NFATC1: variants seen among roughly 807,000 people sequenced by gnomAD.
NFATC1 encodes nuclear factor of activated T cells 1.
In NFATC1, 22 loss-of-function variants were observed where a neutral mutation model predicts 76.0. That is an observed-to-expected ratio of 0.29 (90% CI 0.21 to 0.41). NFATC1 has a LOEUF of 0.41. NFATC1 is among the 10% of genes least tolerant of loss of function. NFATC1 has a pLI of 1.00. For synonymous variants in NFATC1, 704 were observed against 613.1 expected, an observed-to-expected ratio of 1.15 and a Z score of -2.19; for missense variants, 1,357 against 1,337.7, an observed-to-expected ratio of 1.01 and a Z score of -0.23.
intron 3 of NFATC1, among the ~76,000 whole-genome samples, chr18:79,436,187 G>C (rs1041860142): frequency 1.3e-5 from 2 of 152,230 alleles, no homozygotes; most frequent in Non-Finnish European, 2.9e-5. Context: ...TACATCCTTT[G>C]ACGCGGCCCC....
intron 9 of NFATC1, among the ~76,000 whole-genome samples, chr18:79,511,296 C>T (rs1255960751): frequency 6.6e-6 from 1 of 152,084 alleles, no homozygotes; most frequent in East Asian, 1.9e-4. Flanking sequence ...TTACAAGGCC[C>T]GACTCTGCCT....
chr18:79,465,027 G>A lies in NFATC1; in HGVS notation c.1960-2423G>A, dbSNP rs2088398395. Among the ~76,000 whole-genome samples the A allele has an allele frequency of 1.3e-5, 2 of 152,028 alleles. No homozygotes were observed. The highest frequency in any genetic ancestry group is 2.9e-5 in the Non-Finnish European group (2 of 68,018). On this transcript the variant is annotated intron_variant, in intron 7 of 9. Coordinates refer to ENST00000427363, the MANE Select transcript of NFATC1 (RefSeq NM_001278669.2). The surrounding 1 kb of genome is among the most constrained non-coding windows in gnomAD (Gnocchi z 4.2). ...CCTGTGCATATTTTGTGAACAAAAT[G>A]GGATGTGCTGTGTCTACGGTTTTTG... is the stretch of plus-strand genomic sequence containing the variant.
At chr18:79,402,444 G>T (rs1428352081) in intron 1 of NFATC1, 2 of 962,542 alleles carry the variant, frequency 2.1e-6, no homozygotes, top group East Asian at 1.2e-4. Context: ...TCCTTGAGCA[G>T]AATGAGTGAA....
chr18:79,433,047 C>T (rs1305833289), intron 2 of NFATC1, among the ~76,000 whole-genome samples: 1 of 152,246 alleles, frequency 6.6e-6, no homozygotes, highest in Non-Finnish European at 1.5e-5. Context: ...GACGCCGTGT[C>T]CCTCCTCCTG....
chr18:79,469,291 G>A, intron 8 of NFATC1: 1 of 980,940 alleles, frequency 1.0e-6, no homozygotes, highest in Non-Finnish European at 1.2e-6. Context: ...GCTTTCCAGA[G>A]CAGTGCATTA....
At chr18:79,436,790 C>T (rs549877623) in intron 3 of NFATC1, among the ~76,000 whole-genome samples, 32 of 152,164 alleles carry the variant, frequency 2.1e-4, no homozygotes, top group East Asian at 9.7e-4. Context: ...GTCCGGCATC[C>T]GGGGCTTCTC....
intron 8 of NFATC1, chr18:79,470,540 C>T (rs2088740839): frequency 1.3e-5 from 2 of 152,252 alleles, no homozygotes; most frequent in South Asian, 2.1e-4. Context: ...ATTGCCATCC[C>T]CACAGGCAGC....
At chr18:79,436,413 G>T (rs138106577) in intron 3 of NFATC1, among the ~76,000 whole-genome samples, 6 of 152,364 alleles carry the variant, frequency 3.9e-5, no homozygotes, top group Admixed American at 1.3e-4. Context: ...ATTAAAGCCC[G>T]CTGTCTCCTG....
chr18:79,448,080 G>A (rs1251658538), intron 3 of NFATC1, among the ~76,000 whole-genome samples: 1 of 152,250 alleles, frequency 6.6e-6, no homozygotes, highest in African/African-American at 2.4e-5. Context: ...AGTGGTGTGG[G>A]TTTTGAGTCT....
intron 3 of NFATC1, among the ~76,000 whole-genome samples, chr18:79,434,713 C>T (rs913600459): frequency 4.6e-5 from 7 of 152,352 alleles, no homozygotes; most frequent in Non-Finnish European, 7.3e-5. Context: ...CAGAGTGCCT[C>T]GTATTTTTAT....
At chr18:79,484,132 A>C (rs563363763) in intron 8 of NFATC1, among the ~76,000 whole-genome samples, 123 of 151,868 alleles carry the variant, frequency 8.1e-4, no homozygotes, top group African/African-American at 2.8e-3. Context: ...GGGGGAGCAC[A>C]CCCGTTCTCC....
intron 3 of NFATC1, among the ~76,000 whole-genome samples, chr18:79,435,836 C>T (rs2086756464): frequency 6.6e-6 from 1 of 152,212 alleles, no homozygotes; most frequent in South Asian, 2.1e-4. Context: ...TCTGCGTTTC[C>T]ACAGAAGGAG....
At chr18:79,412,122 T>A (rs550134692) in intron 2 of NFATC1, among the ~76,000 whole-genome samples, 8 of 152,230 alleles carry the variant, frequency 5.3e-5, no homozygotes, top group Admixed American at 5.2e-4. Flanking sequence ...TCACGCGCCT[T>A]CCTTCTTTGG....
chr18:79,486,212 C>T (rs749683305), intron 8 of NFATC1, 36 bp from the exon 9 acceptor site: 1 of 1,575,968 alleles, frequency 6.3e-7, no homozygotes, highest in Admixed American at 1.7e-5. Context: ...TCATTCGCAA[C>T]TTGTGTTTAT....
intron 1 of NFATC1, chr18:79,400,346 G>A (rs948987209): frequency 1.4e-6 from 2 of 1,387,308 alleles, no homozygotes; most frequent in Admixed American, 3.0e-5. Context: ...CCGAACCCCT[G>A]GCGGCCGCGA....
intron 1 of NFATC1, among the ~76,000 whole-genome samples, chr18:79,405,888 C>CT (rs1344138855): frequency 2.6e-5 from 4 of 152,222 alleles, no homozygotes; most frequent in African/African-American, 9.6e-5. Context: ...ACTTCCTGCT[C>CT]TCGCTGTGGG....
At chr18:79,513,103 A>G (rs904036615) in intron 9 of NFATC1, among the ~76,000 whole-genome samples, 1 of 152,228 alleles carries the variant, frequency 6.6e-6, no homozygotes, top group African/African-American at 2.4e-5. Context: ...TCTCAATAAA[A>G]AGGAGCACTG....
chr18:79,462,071 G>A (rs2088133873), intron 7 of NFATC1, among the ~76,000 whole-genome samples: 2 of 152,176 alleles, frequency 1.3e-5, no homozygotes, highest in African/African-American at 2.4e-5. Flanking sequence ...CCCTGGCACC[G>A]CGTGCATACA....
At chr18:79,498,973 C>T (rs556059075) in intron 9 of NFATC1, among the ~76,000 whole-genome samples, 2 of 152,284 alleles carry the variant, frequency 1.3e-5, no homozygotes, top group Admixed American at 6.5e-5. Context: ...ACAAGACACA[C>T]AGAATTTGTT....
Sources: allele counts gnomAD v4.1 joint callset (sites outside exome capture counted in the v4.1 genomes callset), GRCh38; gene constraint gnomAD v4.1.1; non-coding constraint Gnocchi (gnomAD v3.1); transcripts MANE v1.5; gene names NCBI Gene and HGNC (gene_info 2026-07-23, HGNC 2026-07-21).